The following ANKRD45 variants were observed in gnomAD, a reference collection of about 807,000 sequenced individuals.
The protein encoded by ANKRD45 is ankyrin repeat domain-containing protein 45.
ANKRD45 carries 21 observed loss-of-function variants against 28.1 expected under a neutral mutation model. The observed-to-expected ratio is 0.75, with a 90% CI of 0.53 to 1.08. The LOEUF (loss-of-function observed/expected upper bound fraction) is 1.08, where lower values mean the gene tolerates loss of function less well. Ranked by LOEUF, ANKRD45 falls within the 50% of genes least tolerant of loss-of-function variation. The probability of loss-of-function intolerance (pLI) is 0.00; values close to 1 mark genes in which losing one functional copy is unlikely to be tolerated. For synonymous variants in ANKRD45, 86 were observed against 103.9 expected (o/e 0.83, Z 1.05); for missense variants, 261 against 308.7 (o/e 0.85, Z 1.16).
At chr1:173,694,366 T>C in the ANKRD45 span, among the ~76,000 whole-genome samples, 9 of 151,920 alleles carry the variant, frequency 5.9e-5, no homozygotes, top group Non-Finnish European at 1.3e-4. Flanking sequence ...GGTTTCACCA[T>C]ATTGGTCAGT....
rs1327234592 is a variant in ANKRD45, at chr1:173,612,800, C to G, written c.731-2585G>C. ...TGGAGACGGGGTTTCGCTGTGTTGG[C>G]CGGGCTGGTCTCCAGCTCCTAACCG... On this transcript the variant is annotated intron_variant, in intron 5 of 5. Transcript: ENST00000333279. 1.3e-5 allele frequency: 2 copies of G among 157,190 alleles called. 1 individual carries two copies. Among genetic ancestry groups the G allele is most frequent in the Non-Finnish European group, 2.8e-5 (2 of 71,662 alleles). The allele number at this position is 157,190 out of a possible 1,614,324, so 9.7% of individuals were successfully genotyped here. A position where few individuals can be genotyped will look rare whatever the true frequency, so the allele number is the denominator to read the frequency against.
rs576309543 is a variant in ANKRD45 at position 173,644,790 on chromosome 1, C to T, written c.496+2056G>A. Among the ~76,000 whole-genome samples the T allele has an allele frequency of 1.4e-3, 212 of 152,080 alleles. 1 individual carries two copies. Among genetic ancestry groups the T allele is most frequent in the Admixed American group, 4.8e-3 (73 of 15,290 alleles). On this transcript the variant is annotated intron_variant, in intron 3 of 5. Coordinates refer to ENST00000333279, the MANE Select transcript of ANKRD45 (RefSeq NM_198493.3). ...AGGGCAGATCACGAGATCAGGAGTT[C>T]GAGACCAGCCTGACCAACATGGTGA...
chr1:173,710,044 G>C, the ANKRD45 span, among the ~76,000 whole-genome samples: 8 of 152,254 alleles, frequency 5.3e-5, no homozygotes, highest in East Asian at 1.5e-3. Flanking sequence ...ATAAAAATTC[G>C]CTGGGTGTGG....
the ANKRD45 span, among the ~76,000 whole-genome samples, chr1:173,712,057 G>A: frequency 2.6e-5 from 4 of 152,094 alleles, no homozygotes; most frequent in Non-Finnish European, 4.4e-5. Flanking sequence ...TTCATATTAC[G>A]GAAAAAATAG....
At chr1:173,625,190 T>C (rs1028480411) in intron 4 of ANKRD45, among the ~76,000 whole-genome samples, 1 of 152,176 alleles carries the variant, frequency 6.6e-6, no homozygotes, top group Admixed American at 6.5e-5. Flanking sequence ...GTATCTATTA[T>C]ATTGGACAGT....
chr1:173,698,434 C>G, the ANKRD45 span, among the ~76,000 whole-genome samples: 2 of 152,174 alleles, frequency 1.3e-5, no homozygotes, highest in African/African-American at 4.8e-5. Flanking sequence ...AAGCACTCCT[C>G]AGCAAATGTA....
chr1:173,659,522 G>T, intron 1 of ANKRD45, 89 bp from the exon 2 acceptor site: 2 of 1,150,310 alleles, frequency 1.7e-6, no homozygotes, highest in Non-Finnish European at 1.2e-6. Context: ...TGACAATATA[G>T]ATGGTATAAA....
At chr1:173,629,008 T>G (rs982422415) in intron 3 of ANKRD45, among the ~76,000 whole-genome samples, 1 of 152,182 alleles carries the variant, frequency 6.6e-6, no homozygotes, top group Non-Finnish European at 1.5e-5. Flanking sequence ...TCCAGGGCAT[T>G]TTCCCACATC....
the ANKRD45 span, chr1:173,675,282 A>T: frequency 1.1e-5 from 3 of 285,404 alleles, no homozygotes; most frequent in African/African-American, 7.0e-5. Flanking sequence ...AGGAAAAAAA[A>T]TTGAAAACAT....
chr1:173,700,640 T>A, the ANKRD45 span, among the ~76,000 whole-genome samples: 3 of 152,150 alleles, frequency 2.0e-5, no homozygotes, highest in Admixed American at 2.0e-4. Context: ...TGAAACTGGA[T>A]CCCTTCCTTA....
intron 1 of ANKRD45, among the ~76,000 whole-genome samples, chr1:173,660,976 CAGTA>C (rs764569817): frequency 2.1e-4 from 32 of 152,038 alleles, no homozygotes; most frequent in African/African-American, 6.3e-4. Context: ...TGTCACACAG[CAGTA>C]AGTAAGACAC....
intron 3 of ANKRD45, among the ~76,000 whole-genome samples, chr1:173,643,569 TATAA>T (rs1199215524): frequency 2.0e-5 from 3 of 152,150 alleles, no homozygotes; most frequent in Non-Finnish European, 4.4e-5. Flanking sequence ...AATTTTTAAG[TATAA>T]ATGTTTTCAT....
chr1:173,616,635 C>T (rs11579825), intron 5 of ANKRD45, among the ~76,000 whole-genome samples: 4,473 of 152,206 alleles, frequency 0.029, 105 homozygotes, highest in Non-Finnish European at 0.047. Context: ...TATTCTGATA[C>T]GTTCACCTTT....
the ANKRD45 span, among the ~76,000 whole-genome samples, chr1:173,712,974 C>CTT: frequency 6.6e-6 from 1 of 152,170 alleles, no homozygotes; most frequent in Non-Finnish European, 1.5e-5. Flanking sequence ...CAGGACAACA[C>CTT]TTTGAGAATC....
upstream of ANKRD45, among the ~76,000 whole-genome samples, chr1:173,672,689 G>A (rs1197257011): frequency 3.3e-5 from 5 of 152,170 alleles, no homozygotes; most frequent in Non-Finnish European, 5.9e-5. Context: ...AAACAGCTGC[G>A]TGATGCACCT....
At chr1:173,712,269 C>T in the ANKRD45 span, among the ~76,000 whole-genome samples, 1 of 152,182 alleles carries the variant, frequency 6.6e-6, no homozygotes, top group African/African-American at 2.4e-5. Flanking sequence ...TATAGACCAA[C>T]AAAAACCCTC....
upstream of ANKRD45, among the ~76,000 whole-genome samples, chr1:173,671,710 A>G (rs550136713): frequency 8.6e-5 from 13 of 151,774 alleles, no homozygotes; most frequent in South Asian, 2.7e-3. Flanking sequence ...CTCTACTAAA[A>G]AATACCAAAA....
rs1667015118 is a variant in ANKRD45, at chr1:173,608,432, C to T, written c.*1713G>A. Among the ~76,000 whole-genome samples, 1 of 152,160 alleles carries T rather than the reference C, an allele frequency of 6.6e-6. No homozygotes were observed. Among genetic ancestry groups the T allele is most frequent in the East Asian group, 1.9e-4 (1 of 5,186 alleles). On this transcript the variant is annotated 3_prime_UTR_variant, in exon 6 of 6. Coordinates refer to ENST00000333279, the MANE Select transcript of ANKRD45 (RefSeq NM_198493.3). ...TCCCGGGCTCAGGTGATTCTCCTGCCTCAGCCTCCCAAGTCACTGGGATTA... is the reference window on the plus strand; with the variant it reads ...TCCCGGGCTCAGGTGATTCTCCTGCTTCAGCCTCCCAAGTCACTGGGATTA...
intron 2 of ANKRD45, chr1:173,658,161 A>T: frequency 6.0e-6 from 1 of 167,174 alleles, no homozygotes; most frequent in Non-Finnish European, 1.3e-5. Context: ...CGTCTCTACC[A>T]AAAAATACAA....
Sources: gnomAD v4.1 joint callset for allele counts (sites outside exome capture counted in the v4.1 genomes callset) on GRCh38, gnomAD v4.1.1 for gene constraint, MANE v1.5 for transcripts, NCBI Gene and HGNC (gene_info 2026-07-23, HGNC 2026-07-21) for gene names.